Variants in CDHR2 observed in about 807,000 individuals in gnomAD.
The protein encoded by CDHR2 is cadherin-related family member 2.
CDHR2 carries 104 observed loss-of-function variants against 138.6 expected under a neutral mutation model. That is an observed-to-expected ratio of 0.75 (90% CI 0.64 to 0.88). The LOEUF is 0.88. Ranked by LOEUF, CDHR2 falls within the 40% of genes least tolerant of loss-of-function variation. CDHR2 has a pLI of 0.00. For synonymous variants in CDHR2, 755 were observed against 742.8 expected (o/e 1.02, Z -0.27); for missense variants, 1,624 against 1,727.6 (o/e 0.94, Z 1.06).
chr5:176,577,703 A>T lies in CDHR2; in HGVS notation c.1417A>T (p.Ile473Phe), dbSNP rs776198407. The T allele has an allele frequency of 1.2e-6, 2 of 1,614,112 alleles. No individual in the cohort carries two copies. Among genetic ancestry groups the T allele is most frequent in the East Asian group, 4.5e-5 (2 of 44,896 alleles). Residue 473 changes from isoleucine (I) to phenylalanine (F), a missense_variant, in exon 14 of 32, where the codon ATT (isoleucine) becomes TTT (phenylalanine). Around this residue, in one of 3 missense-constraint regions of CDHR2, gnomAD observed 1,061 missense variants for 1,136.6 expected, o/e 0.93. Coordinates refer to ENST00000261944, the MANE Select transcript of CDHR2 (RefSeq NM_017675.6). ...CATGGTGACCATCCACCTTAGAGAC[A>T]TTAATGACCACAGGCCCACGTTTCC... Reference protein sequence around the residue: ...VAMVTIHLRDINDHRPTFPQS... With the variant: ...VAMVTIHLRDFNDHRPTFPQS...
chr5:176,592,747 T>C lies in CDHR2; in HGVS notation c.3759T>C (p.Ser1253=). ...SVSVNSLDDN[S]VDVDKNSQEI... Reference sequence around the variant, plus strand: ...GCGTCAACTCCCTGGACGACAACTCTGTGGATGTGGACAAGAACAGTCAGG... The same window carrying C: ...GCGTCAACTCCCTGGACGACAACTCCGTGGATGTGGACAAGAACAGTCAGG... The change falls in exon 31 of 32, where the codon TCT becomes TCC. Residue 1253 remains serine (S), a synonymous_variant. Transcript: ENST00000261944. The C allele has an allele frequency of 6.2e-7, 1 of 1,613,826 alleles. No homozygotes were observed. Among genetic ancestry groups the C allele is most frequent in the Non-Finnish European group, 8.5e-7 (1 of 1,179,830 alleles).
At chr5:176,572,476 A>G (rs964479790) in intron 6 of CDHR2, among the ~76,000 whole-genome samples, 2 of 152,320 alleles carry the variant, frequency 1.3e-5, no homozygotes, top group African/African-American at 4.8e-5. Flanking sequence ...CTCTTTCTCA[A>G]TCTTTCCAGC....
chr5:176,565,896 G>A (rs1048720844), intron 3 of CDHR2, among the ~76,000 whole-genome samples, 153 bp downstream of exon 3: 3 of 152,170 alleles, frequency 2.0e-5, no homozygotes, highest in African/African-American at 7.2e-5. Context: ...CCAGAAGTTT[G>A]TTTTCTTCTC....
intron 21 of CDHR2, 133 bp from the exon 22 acceptor site, chr5:176,588,898 G>A (rs934192998): frequency 2.4e-6 from 2 of 850,880 alleles, no homozygotes. Context: ...TTGCTTATTC[G>A]GGGCAGCGTG....
At chr5:176,558,843 A>G (rs966793697) in intron 1 of CDHR2, among the ~76,000 whole-genome samples, 3 of 152,202 alleles carry the variant, frequency 2.0e-5, no homozygotes, top group Admixed American at 6.5e-5. Context: ...TCTACATGGT[A>G]TCATAAGTTC....
chr5:176,555,088 C>T (rs377517132), intron 1 of CDHR2, among the ~76,000 whole-genome samples: 18 of 152,228 alleles, frequency 1.2e-4, no homozygotes, highest in African/African-American at 4.3e-4. Flanking sequence ...AGGGCTTGTC[C>T]ACATCTTTCT....
At chr5:176,557,560 A>AT (rs5873538) in intron 1 of CDHR2, among the ~76,000 whole-genome samples, 21,538 of 87,336 alleles carry the variant, frequency 0.25, 2,915 homozygotes, top group East Asian at 0.51. Context: ...ACCTTCTTAG[A>AT]TTTTTTTTTT....
rs749898714 is a variant in CDHR2, at chr5:176,584,237, T to C, written c.2106T>C (p.Phe702=). The part of the protein sequence containing the change: ...LPIFNQSSYN[F]TVKEEDPGVL... ...TCTTCAATCAGTCCAGCTACAACTT[T>C]ACGGTGAAGGAGGAGGATCCAGGTA... The change falls in exon 18 of 32, where the codon TTT becomes TTC. Residue 702 remains phenylalanine, a synonymous_variant. Coordinates refer to ENST00000261944, the MANE Select transcript of CDHR2 (RefSeq NM_017675.6). 6.2e-7 allele frequency: 1 copy of C among 1,614,080 alleles called. No individual in the cohort carries two copies. The highest frequency in any genetic ancestry group is 8.5e-7 in the Non-Finnish European group (1 of 1,179,972).
intron 6 of CDHR2, among the ~76,000 whole-genome samples, chr5:176,572,105 C>T (rs534200837): frequency 2.6e-5 from 4 of 151,130 alleles, no homozygotes; most frequent in South Asian, 2.1e-4. Context: ...ACAGGCTCGC[C>T]GGGTGCCGTG....
rs1758838998 is a variant in CDHR2 at position 176,591,405 on chromosome 5, G to A, written c.3655G>A (p.Ala1219Thr). ...PGTNMYNTER[A>T]NPMLNLPNKD... ...AACTTGACCAGGCTTTCTCTCCAGAGCCAACCCCATGCTGAACCTCCCCAA... is the reference window on the plus strand; with the variant it reads ...AACTTGACCAGGCTTTCTCTCCAGAACCAACCCCATGCTGAACCTCCCCAA... The change falls in exon 30 of 32, where the codon GCC becomes ACC. Residue 1219 changes from alanine (A) to threonine (T), a missense_variant and splice_region_variant. Physicochemically the swap from Ala to Thr is moderately conservative, Grantham distance 58. Transcript: ENST00000261944. 3.7e-6 allele frequency: 6 copies of A among 1,613,890 alleles called. No individual in the cohort carries two copies. The highest frequency in any genetic ancestry group is 5.1e-6 in the Non-Finnish European group (6 of 1,179,980).
Position 176,575,824 on chromosome 5 carries a change from G to T in CDHR2, c.945G>T (p.Val315=). 1 of 1,550,964 alleles carries T rather than the reference G, an allele frequency of 6.4e-7. No individual in the cohort carries two copies. Among genetic ancestry groups the T allele is most frequent in the Non-Finnish European group, 8.7e-7 (1 of 1,146,640 alleles). Residue 315 remains valine (V), a synonymous_variant, in exon 11 of 32, where the codon GTG becomes GTT. Coordinates refer to ENST00000261944, the MANE Select transcript of CDHR2 (RefSeq NM_017675.6). ...REQLLEADEE[V]QLQVTATETH... ...AGCTGCTGGAGGCGGATGAGGAGGT[G>T]CAGCTGCAGGTCACGGTGAGCAAAG...
chr5:176,588,712 A>G (rs560586243), intron 21 of CDHR2, among the ~76,000 whole-genome samples: 1 of 100,582 alleles, frequency 9.9e-6, no homozygotes, highest in South Asian at 2.9e-4. Flanking sequence ...TGTGTGTGTG[A>G]GTGTGTGTGT....
upstream of CDHR2, among the ~76,000 whole-genome samples, chr5:176,546,600 TA>T (rs933161043): frequency 4.0e-5 from 6 of 151,116 alleles, no homozygotes; most frequent in South Asian, 2.1e-4. Context: ...ATACAGTAGA[TA>T]AAAAAAATAA....
chr5:176,560,279 C>T (rs1036832922), intron 1 of CDHR2, among the ~76,000 whole-genome samples: 3 of 152,016 alleles, frequency 2.0e-5, no homozygotes, highest in African/African-American at 4.8e-5. Context: ...CCCTGTAATC[C>T]CAGCTACTCG....
chr5:176,586,702 G>C (rs1561879910), intron 20 of CDHR2, 91 bp from the exon 21 acceptor site: 3 of 1,201,222 alleles, frequency 2.5e-6, no homozygotes, highest in Non-Finnish European at 3.6e-6. Context: ...CAGGTTTAGG[G>C]GGATGAGCCC....
chr5:176,584,800 C>A lies in CDHR2; in HGVS notation c.2519C>A (p.Ala840Asp), dbSNP rs1474687324. The change falls in exon 19 of 32, where the codon GCC becomes GAC. Residue 840 changes from alanine (A) to aspartate (D), a missense_variant. Transcript: ENST00000261944. The stretch of plus-strand genomic sequence containing the variant: ...GTTGCCTCGGATGTGGACACCAGTG[C>A]CCAGCTGGAGATACAGCTTGTGAAC... ...VVVASDVDTS[A>D]QLEIQLVNIL... is the part of the protein sequence containing the mutation. 1 of 1,614,162 alleles carries A rather than the reference C, an allele frequency of 6.2e-7. No homozygotes were observed. Among genetic ancestry groups the A allele is most frequent in the East Asian group, 2.2e-5 (1 of 44,890 alleles).
At chr5:176,561,666 G>A (rs1757970753) in intron 1 of CDHR2, among the ~76,000 whole-genome samples, 1 of 144,978 alleles carries the variant, frequency 6.9e-6, no homozygotes, top group Admixed American at 7.1e-5. Flanking sequence ...TTGAGGTGGA[G>A]TCTCGCTCTG....
rs770431748 is a variant in CDHR2, at chr5:176,584,503, A to G, written c.2222A>G (p.Tyr741Cys). 6.2e-7 allele frequency: 1 copy of G among 1,613,522 alleles called. No individual in the cohort carries two copies. Among genetic ancestry groups the G allele is most frequent in the East Asian group, 2.2e-5 (1 of 44,858 alleles). Residue 741 changes from tyrosine (Y) to cysteine (C), a missense_variant, in exon 19 of 32, where the codon TAC becomes TGC. Physicochemically the swap from Tyr to Cys is radical, Grantham distance 194 (BLOSUM62 -2). Transcript: ENST00000261944. ...SFSLSGSGAN[Y>C]FMIRGLVLGA... The stretch of plus-strand genomic sequence containing the variant: ...AGCCTGTCGGGGAGTGGTGCCAACT[A>G]CTTCATGATCCGAGGCTTGGTGCTG...
In CDHR2 at chr5:176,553,156, C is replaced by G. The variant is rs962486188; in HGVS notation, c.-16+3742C>G. ...GACTGGGTGAAGGTCCTGGTTCGGG[C>G]TGTTCTCTCTCAACATCACATGTTT... is the stretch of plus-strand genomic sequence containing the variant. On this transcript the variant is annotated intron_variant, in intron 1 of 31. Transcript: ENST00000261944. The surrounding 1 kb of genome is among the most constrained non-coding windows in gnomAD (Gnocchi z 4.3). 2.0e-5 allele frequency among the ~76,000 whole-genome samples: 3 copies of G among 152,110 alleles called. No homozygotes were observed. Among genetic ancestry groups the G allele is most frequent in the African/African-American group, 7.2e-5 (3 of 41,408 alleles).
Sources: allele counts gnomAD v4.1 joint callset (sites outside exome capture counted in the v4.1 genomes callset), GRCh38; gene constraint gnomAD v4.1.1; regional missense constraint gnomAD v4.1.1; non-coding constraint Gnocchi (gnomAD v3.1); transcripts MANE v1.5; gene names NCBI Gene and HGNC (gene_info 2026-07-23, HGNC 2026-07-21).